LRRTM4: variants seen among roughly 807,000 people sequenced by gnomAD.
LRRTM4 encodes leucine-rich repeat transmembrane neuronal protein 4.
A neutral mutation model predicts 47.6 loss-of-function variants in LRRTM4; 25 were observed. That is an observed-to-expected ratio of 0.53 (90% confidence interval 0.38 to 0.73). LRRTM4 has a LOEUF of 0.73. Ranked by LOEUF, LRRTM4 falls within the 30% of genes least tolerant of loss-of-function variation. The pLI is 0.00. For synonymous variants in LRRTM4, 311 were observed against 269.5 expected (o/e 1.15, Z -1.51); for missense variants, 638 against 713.4 (o/e 0.89, Z 1.20).
At chr2:77,211,274 A>G (rs985879973) in intron 3 of LRRTM4, among the ~76,000 whole-genome samples, 4 of 152,166 alleles carry the variant, frequency 2.6e-5, no homozygotes, top group African/African-American at 9.7e-5. Flanking sequence ...AGGACAGATA[A>G]GGGGACACTC....
At chr2:76,964,105 T>C (rs1484910549) in intron 3 of LRRTM4, among the ~76,000 whole-genome samples, 1 of 150,946 alleles carries the variant, frequency 6.6e-6, no homozygotes, top group African/African-American at 2.4e-5. Context: ...TCATTTGGAA[T>C]TCTAAAATAA....
intron 3 of LRRTM4, among the ~76,000 whole-genome samples, chr2:77,106,586 A>G (rs541285067): frequency 2.4e-4 from 36 of 152,296 alleles, no homozygotes; most frequent in African/African-American, 7.9e-4. Flanking sequence ...AGGCTAAAAA[A>G]GATATAAACA....
chr2:76,999,997 T>C (rs527371270), intron 3 of LRRTM4, among the ~76,000 whole-genome samples: 11 of 152,274 alleles, frequency 7.2e-5, no homozygotes, highest in Middle Eastern at 3.4e-3. Context: ...TTCTTTCAGC[T>C]AGAAAGCTGT....
At chr2:76,774,113 T>C (rs1673844926) in intron 3 of LRRTM4, among the ~76,000 whole-genome samples, 1 of 152,136 alleles carries the variant, frequency 6.6e-6, no homozygotes, top group Non-Finnish European at 1.5e-5. Flanking sequence ...AGTCAATATA[T>C]ATTTTGTATA....
chr2:77,003,161 CTTT>C (rs1318112659), intron 3 of LRRTM4, among the ~76,000 whole-genome samples: 2 of 141,978 alleles, frequency 1.4e-5, no homozygotes, highest in Non-Finnish European at 3.0e-5. Flanking sequence ...GTAACTTCAG[CTTT>C]TTATGTTCTT....
chr2:77,476,141 A>C (rs1198916145), intron 3 of LRRTM4, among the ~76,000 whole-genome samples: 1 of 152,096 alleles, frequency 6.6e-6, no homozygotes, highest in Non-Finnish European at 1.5e-5. Flanking sequence ...AAATGTGCTC[A>C]GGAAATTGTG....
chr2:77,370,672 A>T (rs901539709), intron 3 of LRRTM4, among the ~76,000 whole-genome samples: 1 of 151,788 alleles, frequency 6.6e-6, no homozygotes, highest in Non-Finnish European at 1.5e-5. Context: ...AAACAGCATG[A>T]TTAAAACCAT....
At chr2:77,185,981 G>A (rs890895615) in intron 3 of LRRTM4, among the ~76,000 whole-genome samples, 2 of 152,148 alleles carry the variant, frequency 1.3e-5, no homozygotes, top group Non-Finnish European at 2.9e-5. Context: ...TCAGCATGTA[G>A]TAATTAATAG....
intron 3 of LRRTM4, among the ~76,000 whole-genome samples, chr2:77,341,449 T>G (rs1217744081): frequency 1.3e-5 from 2 of 152,012 alleles, no homozygotes; most frequent in Non-Finnish European, 2.9e-5. Context: ...TGTAAGCCTT[T>G]CCTTACCATA....
intron 3 of LRRTM4, among the ~76,000 whole-genome samples, chr2:76,774,499 G>A (rs951861247): frequency 5.9e-5 from 9 of 151,968 alleles, no homozygotes; most frequent in Non-Finnish European, 1.2e-4. Flanking sequence ...CAATAAAAGA[G>A]AACATTATTA....
chr2:77,161,658 C>G (rs1219536349), intron 3 of LRRTM4, among the ~76,000 whole-genome samples: 1 of 152,018 alleles, frequency 6.6e-6, no homozygotes, highest in African/African-American at 2.4e-5. Flanking sequence ...AAAACATCCA[C>G]ATATAAGTGG....
intron 3 of LRRTM4, among the ~76,000 whole-genome samples, chr2:77,332,867 A>T (rs901301603): frequency 2.0e-5 from 3 of 152,162 alleles, no homozygotes; most frequent in African/African-American, 7.2e-5. Flanking sequence ...CAGTACTGAT[A>T]TAGATTGACT....
intron 3 of LRRTM4, among the ~76,000 whole-genome samples, chr2:76,976,979 AAAATT>A (rs1317635480): frequency 6.7e-6 from 1 of 148,926 alleles, no homozygotes; most frequent in Non-Finnish European, 1.5e-5. Context: ...TGTGTCAACT[AAAATT>A]AAACAGAAAA....
At chr2:77,210,369 AC>A (rs1424713008) in intron 3 of LRRTM4, among the ~76,000 whole-genome samples, 3 of 152,272 alleles carry the variant, frequency 2.0e-5, no homozygotes, top group East Asian at 1.9e-4. Context: ...GCTAGTTAAC[AC>A]CTGAAAAGAA....
intron 3 of LRRTM4, among the ~76,000 whole-genome samples, chr2:77,449,974 T>G (rs1229468771): frequency 7.2e-5 from 11 of 152,154 alleles, no homozygotes; most frequent in Non-Finnish European, 1.6e-4. Context: ...CAGGACCAAG[T>G]CTATAGTAAT....
chr2:77,502,860 A>G (rs988965343), intron 3 of LRRTM4, among the ~76,000 whole-genome samples: 1 of 151,620 alleles, frequency 6.6e-6, no homozygotes, highest in Non-Finnish European at 1.5e-5. Context: ...CGAATTCATT[A>G]TATGGAGGTG....
At chr2:76,886,291 G>C (rs1673073643) in intron 3 of LRRTM4, among the ~76,000 whole-genome samples, 1 of 152,122 alleles carries the variant, frequency 6.6e-6, no homozygotes. Context: ...ACATTTTTGA[G>C]AATTTCTCAT....
intron 3 of LRRTM4, among the ~76,000 whole-genome samples, chr2:77,218,511 T>TTTATTTA (rs1428817636): frequency 3.4e-5 from 5 of 147,310 alleles, no homozygotes; most frequent in Non-Finnish European, 7.4e-5. Flanking sequence ...GCTTTATTTA[T>TTTATTTA]TTATTTATTT....
At chr2:77,175,333 C>T (rs764110341) in intron 3 of LRRTM4, among the ~76,000 whole-genome samples, 1 of 152,042 alleles carries the variant, frequency 6.6e-6, no homozygotes, top group Non-Finnish European at 1.5e-5. Context: ...TAAAACCCCT[C>T]GTGGCCTTTG....
Sources: allele counts gnomAD v4.1 joint callset (sites outside exome capture counted in the v4.1 genomes callset), GRCh38; gene constraint gnomAD v4.1.1; transcripts MANE v1.5; gene names NCBI Gene and HGNC (gene_info 2026-07-23, HGNC 2026-07-21).